Variants in FBXL17 observed in about 807,000 individuals in gnomAD.
FBXL17 encodes the protein F-box and leucine rich repeat protein 17, also known as F-box/LRR-repeat protein 17.
FBXL17 carries 22 observed loss-of-function variants against 66.2 expected under a neutral mutation model. The observed-to-expected ratio is 0.33, with a 90% CI of 0.24 to 0.47. The LOEUF (loss-of-function observed/expected upper bound fraction) is 0.47. Ranked by LOEUF, FBXL17 falls within the 20% of genes least tolerant of loss-of-function variation. The pLI is 1.00. For missense variants in FBXL17, 878 were observed against 948.2 expected, an observed-to-expected ratio of 0.93 and a Z score of 0.97; for synonymous variants, 474 against 400.5, an observed-to-expected ratio of 1.18 and a Z score of -2.19.
chr5:107,997,300 C>G (rs1753515836), intron 7 of FBXL17, among the ~76,000 whole-genome samples: 1 of 152,108 alleles, frequency 6.6e-6, no homozygotes, highest in Non-Finnish European at 1.5e-5. Flanking sequence ...TAACAAAATA[C>G]TTAGAGCTGG....
At chr5:108,126,223 C>CA (rs143914992) in intron 6 of FBXL17, among the ~76,000 whole-genome samples, 2,604 of 147,256 alleles carry the variant, frequency 0.018, 75 homozygotes, top group African/African-American at 0.061. Flanking sequence ...AAAAATCAGG[C>CA]AAAAAAAAAA....
chr5:107,996,270 C>T (rs1005082918), intron 7 of FBXL17, among the ~76,000 whole-genome samples: 14 of 152,072 alleles, frequency 9.2e-5, no homozygotes, highest in Admixed American at 7.2e-4. Flanking sequence ...CATTCCTGCT[C>T]TTAAATTATC....
At chr5:108,379,462 G>A (rs1041015925) in intron 1 of FBXL17, among the ~76,000 whole-genome samples, 7 of 151,826 alleles carry the variant, frequency 4.6e-5, no homozygotes, top group Admixed American at 4.6e-4. Flanking sequence ...GGAAATGTAA[G>A]TTTTCCCACC....
At chr5:108,149,382 C>A (rs1751681694) in intron 6 of FBXL17, among the ~76,000 whole-genome samples, 1 of 152,214 alleles carries the variant, frequency 6.6e-6, no homozygotes, top group Non-Finnish European at 1.5e-5. Context: ...ATCTTAGCTA[C>A]AAATTCTTTC....
chr5:107,919,649 C>A (rs892714597), intron 7 of FBXL17, among the ~76,000 whole-genome samples: 5 of 152,166 alleles, frequency 3.3e-5, no homozygotes, highest in Non-Finnish European at 1.5e-5. Context: ...TCCCATCCCC[C>A]AGATATGCTC....
intron 4 of FBXL17, among the ~76,000 whole-genome samples, chr5:108,231,686 C>T (rs1235810943): frequency 6.6e-6 from 1 of 152,032 alleles, no homozygotes; most frequent in Non-Finnish European, 1.5e-5. Context: ...ATCTTGAGCT[C>T]CTCCTACCTT....
At chr5:107,885,322 C>T (rs911375625) in intron 7 of FBXL17, among the ~76,000 whole-genome samples, 1 of 152,150 alleles carries the variant, frequency 6.6e-6, no homozygotes, top group Non-Finnish European at 1.5e-5. Flanking sequence ...AATAGTCATT[C>T]CCATAGACAT....
chr5:108,364,031 C>A (rs1748504301), intron 3 of FBXL17, among the ~76,000 whole-genome samples: 1 of 151,914 alleles, frequency 6.6e-6, no homozygotes, highest in Non-Finnish European at 1.5e-5. Context: ...AAAATAGGCT[C>A]CCTTATAAGT....
At chr5:107,890,779 C>T (rs1749173868) in intron 7 of FBXL17, among the ~76,000 whole-genome samples, 1 of 151,808 alleles carries the variant, frequency 6.6e-6, no homozygotes, top group African/African-American at 2.4e-5. Flanking sequence ...TCAGGCTGAC[C>T]AATAAACATT....
chr5:108,374,506 C>G (rs1749286468), intron 1 of FBXL17, among the ~76,000 whole-genome samples: 1 of 151,968 alleles, frequency 6.6e-6, no homozygotes, highest in Non-Finnish European at 1.5e-5. Flanking sequence ...ACTCCCATCT[C>G]TACCAAAAAA....
Position 108,169,689 on chromosome 5 carries a change from C to T in FBXL17, c.1745+16428G>A, listed in dbSNP as rs187442581. Among the ~76,000 whole-genome samples the T allele has an allele frequency of 2.6e-5, 4 of 152,280 alleles. No individual in the cohort carries two copies. The East Asian group carries it at 7.7e-4, about 29-fold the overall frequency. On this transcript the variant is annotated intron_variant, in intron 6 of 8. Transcript: ENST00000542267. Reference sequence around the variant, plus strand: ...GAGTGCTGCTTTAACTCTTCCATTACATTTACAGAGTATTTTTAAGGGCCG... The same window carrying T: ...GAGTGCTGCTTTAACTCTTCCATTATATTTACAGAGTATTTTTAAGGGCCG...
At chr5:107,973,942 A>C (rs1752484144) in intron 7 of FBXL17, among the ~76,000 whole-genome samples, 1 of 152,138 alleles carries the variant, frequency 6.6e-6, no homozygotes, top group Non-Finnish European at 1.5e-5. Flanking sequence ...GGCTGAATTA[A>C]TGTGATACTA....
chr5:107,991,678 C>T (rs1187304298), intron 7 of FBXL17, among the ~76,000 whole-genome samples: 3 of 152,202 alleles, frequency 2.0e-5, no homozygotes, highest in Admixed American at 6.5e-5. Context: ...ATATTCATCC[C>T]TCCTATTCCC....
At chr5:108,096,075 C>A (rs554068859) in intron 6 of FBXL17, among the ~76,000 whole-genome samples, 1 of 152,102 alleles carries the variant, frequency 6.6e-6, no homozygotes, top group Non-Finnish European at 1.5e-5. Context: ...AACTGTTATA[C>A]GCTTGTTTGC....
At chr5:107,913,731 C>T (rs187454839) in intron 7 of FBXL17, among the ~76,000 whole-genome samples, 46 of 152,208 alleles carry the variant, frequency 3.0e-4, no homozygotes, top group African/African-American at 1.0e-3. Context: ...GGCTTAGCTT[C>T]GTCAACAATA....
At chr5:107,959,487 G>A (rs908428507) in intron 7 of FBXL17, among the ~76,000 whole-genome samples, 6 of 151,338 alleles carry the variant, frequency 4.0e-5, no homozygotes, top group African/African-American at 9.7e-5. Context: ...ACCTGCCTTC[G>A]CCTGGTTCTA....
chr5:107,967,687 A>G (rs911152530), intron 7 of FBXL17, among the ~76,000 whole-genome samples: 24 of 152,134 alleles, frequency 1.6e-4, no homozygotes, highest in African/African-American at 5.8e-4. Flanking sequence ...TAATAAAAAA[A>G]AAAGAATAGG....
At chr5:108,080,647 T>A (rs1267346548) in intron 6 of FBXL17, among the ~76,000 whole-genome samples, 1 of 152,170 alleles carries the variant, frequency 6.6e-6, no homozygotes, top group Non-Finnish European at 1.5e-5. Flanking sequence ...TCAATATATG[T>A]AAGGTACACA....
chr5:108,139,644 G>C (rs547802044), intron 6 of FBXL17, among the ~76,000 whole-genome samples: 1 of 152,152 alleles, frequency 6.6e-6, no homozygotes, highest in African/African-American at 2.4e-5. Flanking sequence ...TCTGGCTCAG[G>C]TTTTTATCTC....
Sources: allele counts gnomAD v4.1 joint callset (sites outside exome capture counted in the v4.1 genomes callset), GRCh38; gene constraint gnomAD v4.1.1; transcripts MANE v1.5; gene names NCBI Gene and HGNC (gene_info 2026-07-23, HGNC 2026-07-21).